The following DLGAP2 variants were observed in gnomAD, a reference collection of about 807,000 sequenced individuals.
The protein encoded by DLGAP2 is DLG associated protein 2.
Under a neutral mutation model 100.3 loss-of-function variants are expected in DLGAP2, and 26 were observed. The observed-to-expected ratio is 0.26, with a 90% CI of 0.19 to 0.36. The LOEUF is 0.36. Among genes scored for constraint, DLGAP2 ranks in the 10% least tolerant of loss-of-function variants. The probability of loss-of-function intolerance (pLI) is 1.00; values close to 1 mark genes in which losing one functional copy is unlikely to be tolerated. For synonymous variants in DLGAP2, 886 were observed against 630.1 expected (o/e 1.41, Z -6.08); for missense variants, 1,858 against 1,453.2 (o/e 1.28, Z -4.53).
At chr8:1,047,716 T>C (rs893211723) in intron 2 of DLGAP2, among the ~76,000 whole-genome samples, 5 of 150,284 alleles carry the variant, frequency 3.3e-5, no homozygotes, top group South Asian at 2.1e-4. Context: ...CTCTGTGGCC[T>C]TTTTTTTTAA....
chr8:968,806 TA>T (rs1799943742), intron 2 of DLGAP2, among the ~76,000 whole-genome samples: 1 of 152,174 alleles, frequency 6.6e-6, no homozygotes, highest in Non-Finnish European at 1.5e-5. Flanking sequence ...CGACTCCACG[TA>T]TAATGAGTCG....
chr8:808,985 C>A (rs1796320051), intron 1 of DLGAP2, among the ~76,000 whole-genome samples: 1 of 150,074 alleles, frequency 6.7e-6, no homozygotes, highest in Non-Finnish European at 1.5e-5. Flanking sequence ...TGGCTCACTG[C>A]AGCCTCCACC....
intron 12 of DLGAP2, among the ~76,000 whole-genome samples, chr8:1,684,203 A>C (rs1057231591): frequency 2.0e-5 from 3 of 151,682 alleles, no homozygotes; most frequent in Non-Finnish European, 2.9e-5. Context: ...CAAGGAACAG[A>C]GAATGGATGA....
At chr8:1,596,222 A>G (rs1018325934) in intron 6 of DLGAP2, among the ~76,000 whole-genome samples, 35 of 152,188 alleles carry the variant, frequency 2.3e-4, no homozygotes, top group Non-Finnish European at 2.4e-4. Context: ...TTATGGCTGC[A>G]TAGTATTCCA....
At chr8:840,962 C>G (rs573707079) in intron 1 of DLGAP2, among the ~76,000 whole-genome samples, 2 of 152,224 alleles carry the variant, frequency 1.3e-5, no homozygotes, top group Non-Finnish European at 2.9e-5. Context: ...GACGCTGTGT[C>G]TAGCTCTCAC....
At chr8:998,421 C>G in intron 2 of DLGAP2, among the ~76,000 whole-genome samples, 1 of 152,090 alleles carries the variant, frequency 6.6e-6, no homozygotes, top group East Asian at 1.9e-4. Context: ...CCACCTCTGC[C>G]TCCTTCATGG....
chr8:815,173 C>G (rs965137424), intron 1 of DLGAP2, among the ~76,000 whole-genome samples: 6 of 152,180 alleles, frequency 3.9e-5, no homozygotes, highest in African/African-American at 1.4e-4. Context: ...GTTTATTTCT[C>G]ACAGTTCTGG....
At chr8:1,213,364 C>A (rs1350982627) in intron 2 of DLGAP2, among the ~76,000 whole-genome samples, 1 of 151,018 alleles carries the variant, frequency 6.6e-6, no homozygotes, top group African/African-American at 2.5e-5. Flanking sequence ...TGCCTTTCCA[C>A]TGTGTATTGC....
chr8:1,457,970 C>T (rs530121524), intron 3 of DLGAP2, among the ~76,000 whole-genome samples: 2 of 88,614 alleles, frequency 2.3e-5, no homozygotes, highest in East Asian at 5.6e-4. Flanking sequence ...TCTCTGTTCT[C>T]TGATCATATA....
intron 2 of DLGAP2, among the ~76,000 whole-genome samples, chr8:975,697 T>C (rs1214771105): frequency 1.3e-5 from 2 of 152,108 alleles, no homozygotes; most frequent in African/African-American, 2.4e-5. Flanking sequence ...ATAATAAAAC[T>C]CTCTACAAAA....
intron 2 of DLGAP2, among the ~76,000 whole-genome samples, chr8:1,009,565 C>G (rs979156539): frequency 5.9e-5 from 9 of 152,296 alleles, no homozygotes; most frequent in African/African-American, 1.9e-4. Context: ...TTTGAGCTCA[C>G]ACTGTTCATA....
At chr8:948,588 G>T (rs924739742) in intron 2 of DLGAP2, among the ~76,000 whole-genome samples, 1 of 152,240 alleles carries the variant, frequency 6.6e-6, no homozygotes, top group African/African-American at 2.4e-5. Flanking sequence ...TGAAGTAAGC[G>T]GTGACAGTGG....
chr8:1,672,735 C>A (rs1798721941), intron 10 of DLGAP2, among the ~76,000 whole-genome samples: 1 of 152,202 alleles, frequency 6.6e-6, no homozygotes, highest in Non-Finnish European at 1.5e-5. Context: ...ATGGCTGCCC[C>A]AGAGCTCAAA....
intron 6 of DLGAP2, among the ~76,000 whole-genome samples, chr8:1,597,379 G>GTTT (rs34775138): frequency 0.26 from 38,608 of 149,968 alleles, 5,120 homozygotes; most frequent in East Asian, 0.47. Context: ...ATTTAAAGTA[G>GTTT]TTTTTTTTTT....
At chr8:1,356,680 A>T (rs1164571979) in intron 3 of DLGAP2, among the ~76,000 whole-genome samples, 1 of 152,252 alleles carries the variant, frequency 6.6e-6, no homozygotes, top group Non-Finnish European at 1.5e-5. Context: ...TGAGGTGAGT[A>T]TGAGCAAACG....
chr8:1,104,014 C>T (rs1312491428), intron 2 of DLGAP2, among the ~76,000 whole-genome samples: 1 of 152,208 alleles, frequency 6.6e-6, no homozygotes, highest in Non-Finnish European at 1.5e-5. Flanking sequence ...ATCACAAGAA[C>T]ACAAAGCGCT....
At chr8:1,511,479 T>G (rs537411012) in intron 4 of DLGAP2, among the ~76,000 whole-genome samples, 2 of 151,148 alleles carry the variant, frequency 1.3e-5, no homozygotes, top group African/African-American at 4.9e-5. Flanking sequence ...TGTAGGACAA[T>G]CAATAGATGA....
chr8:787,340 C>G (rs1346641252), intron 1 of DLGAP2, among the ~76,000 whole-genome samples: 1 of 152,206 alleles, frequency 6.6e-6, no homozygotes, highest in South Asian at 2.1e-4. Flanking sequence ...GACCCTCCTT[C>G]CCATGTTGTA....
chr8:914,266 C>T (rs1285436709), intron 2 of DLGAP2, among the ~76,000 whole-genome samples: 1 of 152,218 alleles, frequency 6.6e-6, no homozygotes, highest in African/African-American at 2.4e-5. Flanking sequence ...CCCCCGTGAC[C>T]CGCCTCTAAT....
Sources: gnomAD v4.1 joint callset for allele counts (sites outside exome capture counted in the v4.1 genomes callset) on GRCh38, gnomAD v4.1.1 for gene constraint, MANE v1.5 for transcripts, NCBI Gene and HGNC (gene_info 2026-07-23, HGNC 2026-07-21) for gene names.